DCC: variants seen among roughly 807,000 people sequenced by gnomAD.
DCC encodes the protein netrin receptor DCC.
DCC carries 58 observed loss-of-function variants against 172.5 expected under a neutral mutation model. The observed-to-expected ratio is 0.34, with a 90% CI of 0.27 to 0.42. DCC has a LOEUF of 0.42. Ranked by LOEUF, DCC falls within the 10% of genes least tolerant of loss-of-function variation. The probability of loss-of-function intolerance (pLI) is 1.00; values close to 1 mark genes in which losing one functional copy is unlikely to be tolerated. For missense variants in DCC, 1,740 were observed against 1,791.0 expected, an observed-to-expected ratio of 0.97 and a Z score of 0.51; for synonymous variants, 709 against 644.5, an observed-to-expected ratio of 1.10 and a Z score of -1.52.
chr18:52,511,410 G>A (rs911708315), intron 1 of DCC, among the ~76,000 whole-genome samples: 1 of 152,094 alleles, frequency 6.6e-6, no homozygotes. Flanking sequence ...CTCTCATTTA[G>A]TATTAATGCA....
intron 1 of DCC, among the ~76,000 whole-genome samples, chr18:52,486,700 G>T (rs1019768896): frequency 1.3e-5 from 2 of 152,084 alleles, no homozygotes; most frequent in Non-Finnish European, 2.9e-5. Context: ...ACAAATCTGC[G>T]AGTCTTATAT....
At chr18:52,462,315 T>A (rs1199884181) in intron 1 of DCC, among the ~76,000 whole-genome samples, 2 of 152,116 alleles carry the variant, frequency 1.3e-5, no homozygotes, top group Non-Finnish European at 2.9e-5. Context: ...TCCAATGACT[T>A]CCCACCTCAG....
intron 5 of DCC, among the ~76,000 whole-genome samples, chr18:52,986,057 A>G (rs2041287897): frequency 1.3e-5 from 2 of 152,084 alleles, no homozygotes; most frequent in Admixed American, 6.6e-5. Flanking sequence ...TAGTTCATTC[A>G]TATGTATGAA....
intron 12 of DCC, among the ~76,000 whole-genome samples, chr18:53,224,687 T>C (rs2055997037): frequency 6.6e-6 from 1 of 152,014 alleles, no homozygotes; most frequent in Admixed American, 6.6e-5. Flanking sequence ...AATTGGTTAT[T>C]GGATTATAGG....
chr18:53,023,177 C>T (rs1165633957), intron 5 of DCC, among the ~76,000 whole-genome samples: 2 of 151,396 alleles, frequency 1.3e-5, no homozygotes, highest in African/African-American at 4.9e-5. Flanking sequence ...AAGTATTTAC[C>T]AGTCTATAAT....
At chr18:52,522,943 C>A (rs990161327) in intron 1 of DCC, among the ~76,000 whole-genome samples, 4 of 152,152 alleles carry the variant, frequency 2.6e-5, no homozygotes, top group African/African-American at 9.7e-5. Flanking sequence ...CGGGACCCAG[C>A]TATAGAAAGC....
At chr18:53,506,873 AAAGG>A (rs1341700181) in intron 27 of DCC, among the ~76,000 whole-genome samples, 6 of 150,546 alleles carry the variant, frequency 4.0e-5, no homozygotes, top group Admixed American at 2.6e-4. Context: ...AAAAAAAAAA[AAAGG>A]AGGAGGAGTG....
chr18:53,201,342 C>T (rs1213466665), intron 9 of DCC, among the ~76,000 whole-genome samples: 1 of 152,126 alleles, frequency 6.6e-6, no homozygotes, highest in Non-Finnish European at 1.5e-5. Context: ...CAAGAAGGAA[C>T]ACATTCAATG....
rs2056188295 is a variant in DCC at position 53,235,490 on chromosome 18, T to G, written c.1911+19893T>G. On this transcript the variant is annotated intron_variant, in intron 12 of 28. Coordinates refer to ENST00000442544, the MANE Select transcript of DCC (RefSeq NM_005215.4). ...CTTGTCTTCCAAGTAAGCATTCTTT[T>G]TTGTTTGTTTCTGGAAAGATTGACA... 2.6e-5 allele frequency among the ~76,000 whole-genome samples: 4 copies of G among 152,204 alleles called. No homozygotes were observed. In the South Asian group the frequency reaches 8.3e-4, roughly 31 times the overall value.
chr18:52,707,881 TG>T (rs2036234918), intron 1 of DCC, among the ~76,000 whole-genome samples: 1 of 152,146 alleles, frequency 6.6e-6, no homozygotes, highest in Non-Finnish European at 1.5e-5. Flanking sequence ...TGGGAGACAT[TG>T]GTTAAAGTAT....
intron 2 of DCC, among the ~76,000 whole-genome samples, chr18:52,882,946 T>G (rs2039508655): frequency 6.6e-6 from 1 of 152,118 alleles, no homozygotes; most frequent in South Asian, 2.1e-4. Flanking sequence ...ACATTAGATG[T>G]GTGTATATTT....
intron 1 of DCC, among the ~76,000 whole-genome samples, chr18:52,461,808 A>G (rs557933118): frequency 6.6e-6 from 1 of 152,126 alleles, no homozygotes; most frequent in South Asian, 2.1e-4. Flanking sequence ...TGCTTAAGAT[A>G]CTCCGATTTT....
chr18:53,066,437 A>ATG (rs869305847), intron 7 of DCC, among the ~76,000 whole-genome samples: 2 of 146,474 alleles, frequency 1.4e-5, no homozygotes, highest in African/African-American at 4.9e-5. Flanking sequence ...ATATATATAT[A>ATG]TATATAAAAT....
intron 9 of DCC, among the ~76,000 whole-genome samples, chr18:53,180,987 C>T (rs2055187959): frequency 6.6e-6 from 1 of 152,046 alleles, no homozygotes; most frequent in Non-Finnish European, 1.5e-5. Flanking sequence ...ACTTTTATGA[C>T]TATTTTATAT....
chr18:52,348,380 G>C (rs1005487790), intron 1 of DCC, among the ~76,000 whole-genome samples: 1 of 152,128 alleles, frequency 6.6e-6, no homozygotes, highest in East Asian at 1.9e-4. Flanking sequence ...CTTTTCATCC[G>C]GGAGGCAAAG....
chr18:52,761,054 C>T (rs1012737027), intron 2 of DCC, among the ~76,000 whole-genome samples: 2 of 152,140 alleles, frequency 1.3e-5, no homozygotes, highest in African/African-American at 4.8e-5. Flanking sequence ...AGTCCATTTT[C>T]ACACTGCTGA....
chr18:52,436,751 TACAA>T (rs927502009), intron 1 of DCC, among the ~76,000 whole-genome samples: 19 of 151,954 alleles, frequency 1.3e-4, no homozygotes, highest in Admixed American at 3.3e-4. Flanking sequence ...TACTAAAAAC[TACAA>T]ACAAACAAAC....
intron 14 of DCC, among the ~76,000 whole-genome samples, chr18:53,334,623 T>C (rs2057571280): frequency 6.6e-6 from 1 of 152,130 alleles, no homozygotes; most frequent in Admixed American, 6.6e-5. Flanking sequence ...CCATTCTCTT[T>C]TCTGTCTCCA....
chr18:52,426,416 G>A (rs1024628037), intron 1 of DCC, among the ~76,000 whole-genome samples: 4 of 151,272 alleles, frequency 2.6e-5, no homozygotes, highest in East Asian at 1.9e-4. Flanking sequence ...ATACGTGGTC[G>A]TGGTGTAAGG....
Sources: gnomAD v4.1 joint callset for allele counts (sites outside exome capture counted in the v4.1 genomes callset) on GRCh38, gnomAD v4.1.1 for gene constraint, MANE v1.5 for transcripts, NCBI Gene and HGNC (gene_info 2026-07-23, HGNC 2026-07-21) for gene names.